PALD1: variants seen among roughly 807,000 people sequenced by gnomAD.
PALD1 encodes paladin.
A neutral mutation model predicts 96.0 loss-of-function variants in PALD1; 57 were observed. The ratio of observed to expected loss-of-function variants is 0.59; its 90% confidence interval spans 0.48 to 0.74. The LOEUF is 0.74. Ranked by LOEUF, PALD1 falls within the 30% of genes least tolerant of loss-of-function variation. The probability of loss-of-function intolerance (pLI) is 0.00; values close to 1 mark genes in which losing one functional copy is unlikely to be tolerated. For missense variants in PALD1, 1,063 were observed against 1,143.7 expected, an observed-to-expected ratio of 0.93 and a Z score of 1.02; for synonymous variants, 464 against 473.6, an observed-to-expected ratio of 0.98 and a Z score of 0.26.
intron 1 of PALD1, among the ~76,000 whole-genome samples, chr10:70,522,095 A>G (rs1846748477): frequency 6.6e-6 from 1 of 152,202 alleles, no homozygotes. Flanking sequence ...CTCATCAGTG[A>G]CAAGGCTGCA....
chr10:70,510,883 G>A (rs923652262), intron 1 of PALD1, among the ~76,000 whole-genome samples: 3 of 152,188 alleles, frequency 2.0e-5, no homozygotes, highest in Admixed American at 6.5e-5. Context: ...ATGCTGTCTC[G>A]CAGTTAGTGG....
At chr10:70,460,871 C>T in the PALD1 span, among the ~76,000 whole-genome samples, 855 of 152,180 alleles carry the variant, frequency 5.6e-3, 10 homozygotes, top group African/African-American at 0.02. Context: ...GCCTGGCCAA[C>T]GTGGAGAACC....
intron 5 of PALD1, among the ~76,000 whole-genome samples, chr10:70,532,142 C>T (rs1239023370): frequency 6.6e-6 from 1 of 152,130 alleles, no homozygotes; most frequent in Non-Finnish European, 1.5e-5. Flanking sequence ...CTCTGTCCTC[C>T]TCCTCCTCCA....
At chr10:70,547,471 C>T (rs1266029995) in intron 18 of PALD1, 25 bp downstream of exon 18, 11 of 1,478,588 alleles carry the variant, frequency 7.4e-6, no homozygotes, top group Non-Finnish European at 1.0e-5. Context: ...CACCCCACCC[C>T]ACCCTGCCCC....
chr10:70,561,803 G>A (rs372586946), intron 18 of PALD1, among the ~76,000 whole-genome samples: 7 of 152,208 alleles, frequency 4.6e-5, no homozygotes, highest in Admixed American at 2.6e-4. Context: ...CCTCATTCTC[G>A]GGCCCCCTTC....
intron 5 of PALD1, 39 bp downstream of exon 5, chr10:70,531,493 A>G (rs2132369171): frequency 1.3e-6 from 2 of 1,573,348 alleles, no homozygotes; most frequent in Non-Finnish European, 8.7e-7. Flanking sequence ...CCCAGCCCAC[A>G]GCCCAGCTTT....
At chr10:70,555,418 C>A (rs374067400) in intron 18 of PALD1, among the ~76,000 whole-genome samples, 1 of 152,190 alleles carries the variant, frequency 6.6e-6, no homozygotes, top group East Asian at 1.9e-4. Flanking sequence ...GAGGCTGGAC[C>A]AGAAGCTGGT....
intron 12 of PALD1, 148 bp from the exon 13 acceptor site, chr10:70,538,744 C>CG: frequency 1.4e-6 from 1 of 703,164 alleles, no homozygotes; most frequent in Non-Finnish European, 2.5e-6. Flanking sequence ...TTGCCAGGGC[C>CG]GGGGGAAGCT....
At chr10:70,498,664 C>T (rs921199770) in intron 1 of PALD1, among the ~76,000 whole-genome samples, 2 of 151,822 alleles carry the variant, frequency 1.3e-5, no homozygotes, top group Non-Finnish European at 2.9e-5. Flanking sequence ...CGGTGGCTCA[C>T]GCCTGTAATC....
At chr10:70,534,665 C>T in intron 9 of PALD1, 74 bp from the exon 10 acceptor site, 1 of 1,233,418 alleles carries the variant, frequency 8.1e-7, no homozygotes, top group South Asian at 1.3e-5. Context: ...TTTCTCTTTT[C>T]TCCTGCCGTT....
chr10:70,518,943 C>T (rs1387559780), intron 1 of PALD1, among the ~76,000 whole-genome samples: 3 of 152,226 alleles, frequency 2.0e-5, no homozygotes, highest in Admixed American at 1.3e-4. Context: ...TCCTGTTTGC[C>T]TCAGGCCAGA....
intron 1 of PALD1, among the ~76,000 whole-genome samples, chr10:70,488,781 G>T (rs1245610293): frequency 6.6e-6 from 1 of 152,086 alleles, no homozygotes; most frequent in Non-Finnish European, 1.5e-5. Context: ...TTTAGAGCAG[G>T]TTCTGGAGAA....
chr10:70,547,154 C>T, intron 17 of PALD1, 152 bp from the exon 18 acceptor site: 2 of 697,032 alleles, frequency 2.9e-6, no homozygotes, highest in East Asian at 2.5e-5. Context: ...CCTGTCCTCC[C>T]TCAGTCTGAG....
chr10:70,512,893 C>G (rs956236884), intron 1 of PALD1, among the ~76,000 whole-genome samples: 3 of 152,018 alleles, frequency 2.0e-5, no homozygotes, highest in Non-Finnish European at 2.9e-5. Flanking sequence ...TTTAATTCAT[C>G]AAGAGAAGCC....
chr10:70,564,044 C>T (rs1213048772), intron 18 of PALD1, among the ~76,000 whole-genome samples: 1 of 152,146 alleles, frequency 6.6e-6, no homozygotes, highest in Non-Finnish European at 1.5e-5. Context: ...ATACCTCAGG[C>T]GCCATGCAGG....
intron 1 of PALD1, among the ~76,000 whole-genome samples, chr10:70,495,401 G>A (rs1291747297): frequency 6.6e-6 from 1 of 152,052 alleles, no homozygotes; most frequent in African/African-American, 2.4e-5. Flanking sequence ...GTGCCTGTCT[G>A]GTTGACAGGG....
At chr10:70,497,462 A>C (rs1184199613) in intron 1 of PALD1, among the ~76,000 whole-genome samples, 1 of 150,852 alleles carries the variant, frequency 6.6e-6, no homozygotes, top group Non-Finnish European at 1.5e-5. Flanking sequence ...GACTGTGCCA[A>C]CTCTCTGGGT....
At chr10:70,541,777 C>T (rs1272486080) in intron 17 of PALD1, among the ~76,000 whole-genome samples, 1 of 152,158 alleles carries the variant, frequency 6.6e-6, no homozygotes, top group Non-Finnish European at 1.5e-5. Context: ...CCTGCCCGGC[C>T]TTGCTGTTGG....
intron 1 of PALD1, among the ~76,000 whole-genome samples, chr10:70,483,337 C>T (rs1845966098): frequency 6.6e-6 from 1 of 152,176 alleles, no homozygotes; most frequent in Non-Finnish European, 1.5e-5. Context: ...GTGCCCCTGC[C>T]TGGGCTGAAG....
Sources: gnomAD v4.1 joint callset for allele counts (sites outside exome capture counted in the v4.1 genomes callset) on GRCh38, gnomAD v4.1.1 for gene constraint, MANE v1.5 for transcripts, NCBI Gene and HGNC (gene_info 2026-07-23, HGNC 2026-07-21) for gene names.